The following CRTAC1 variants were observed in gnomAD, a reference collection of about 807,000 sequenced individuals.
CRTAC1 encodes acidic secreted protein in cartilage.
In CRTAC1, 37 loss-of-function variants were observed where a neutral mutation model predicts 67.8. The observed-to-expected ratio is 0.55, with a 90% confidence interval of 0.42 to 0.72. CRTAC1 has a LOEUF of 0.72. CRTAC1 is among the 30% of genes least tolerant of loss of function. The pLI, the probability that CRTAC1 is intolerant of heterozygous loss-of-function variation, is 0.00. For missense variants in CRTAC1, 780 were observed against 931.6 expected, an observed-to-expected ratio of 0.84 and a Z score of 2.12; for synonymous variants, 348 against 371.0, an observed-to-expected ratio of 0.94 and a Z score of 0.71.
chr10:97,865,780 C>T, intron 14 of CRTAC1, 66 bp from the exon 15 acceptor site: 4 of 1,478,432 alleles, frequency 2.7e-6, no homozygotes, highest in East Asian at 2.4e-5. Context: ...TACCAGAGCA[C>T]CCGCTTCTGA....
intron 6 of CRTAC1, 90 bp from the exon 7 acceptor site, chr10:97,904,904 G>T: frequency 7.1e-7 from 1 of 1,401,640 alleles, no homozygotes. Context: ...CAAGCAACTA[G>T]GGAGGGTGAC....
At chr10:97,995,363 CTCTT>C (rs1447989559) in intron 2 of CRTAC1, among the ~76,000 whole-genome samples, 3 of 152,316 alleles carry the variant, frequency 2.0e-5, no homozygotes, top group Non-Finnish European at 2.9e-5. Flanking sequence ...TGCTGTAGAA[CTCTT>C]TCTATTTTGC....
intron 14 of CRTAC1, chr10:97,879,654 T>A (rs1245331700): frequency 2.0e-6 from 3 of 1,534,156 alleles, no homozygotes; most frequent in East Asian, 4.9e-5. Flanking sequence ...CTGTTAGTTT[T>A]GTTTTGTTTT....
At chr10:98,015,854 T>A (rs550264688) in intron 1 of CRTAC1, among the ~76,000 whole-genome samples, 1 of 152,326 alleles carries the variant, frequency 6.6e-6, no homozygotes, top group Non-Finnish European at 1.5e-5. Flanking sequence ...GTCCATAAAC[T>A]ACACATCGAA....
At chr10:97,886,951 CT>C (rs537202029) in intron 11 of CRTAC1, among the ~76,000 whole-genome samples, 179 of 143,622 alleles carry the variant, frequency 1.2e-3, no homozygotes, top group Middle Eastern at 3.7e-3. Context: ...GGCCAGATTT[CT>C]TTTTTTTTTT....
intron 14 of CRTAC1, among the ~76,000 whole-genome samples, chr10:97,872,833 G>A (rs1028408959): frequency 5.9e-5 from 9 of 152,294 alleles, no homozygotes; most frequent in East Asian, 1.9e-4. Context: ...GGAAGATGCC[G>A]TGCTATCCCA....
intron 11 of CRTAC1, among the ~76,000 whole-genome samples, chr10:97,894,805 A>C: frequency 7.9e-6 from 1 of 126,752 alleles, no homozygotes; most frequent in African/African-American, 2.9e-5. Context: ...CCAAGAACCC[A>C]CTCTCTCCCC....
rs112433092 is a variant in CRTAC1 at position 97,865,518 on chromosome 10, T to C, written c.*30A>G. 6,791 of 1,579,698 alleles carry C rather than the reference T, an allele frequency of 4.3e-3. 249 individuals are homozygous for C. In the African/African-American group the frequency reaches 0.078, roughly 18 times the overall value. Reference sequence around the variant, plus strand: ...CCACTTTCCCACTCCCCTGCTGGACTCCATCCGCTGGTTCATGTCCCACCC... The same window carrying C: ...CCACTTTCCCACTCCCCTGCTGGACCCCATCCGCTGGTTCATGTCCCACCC... On this transcript the variant is annotated 3_prime_UTR_variant, in exon 15 of 15. Transcript: ENST00000370597.
intron 14 of CRTAC1, chr10:97,879,847 A>AG: frequency 1.6e-6 from 1 of 630,634 alleles, no homozygotes; most frequent in Non-Finnish European, 2.6e-6. Context: ...GAAAAAGAGA[A>AG]AGGGGGTGGG....
chr10:97,953,617 C>T (rs139733060), intron 2 of CRTAC1, among the ~76,000 whole-genome samples: 3 of 152,268 alleles, frequency 2.0e-5, no homozygotes, highest in South Asian at 2.1e-4. Flanking sequence ...AGTTGCATAG[C>T]GCATTGATGG....
At chr10:97,955,430 C>T (rs1301569681) in intron 2 of CRTAC1, among the ~76,000 whole-genome samples, 1 of 152,234 alleles carries the variant, frequency 6.6e-6, no homozygotes, top group African/African-American at 2.4e-5. Context: ...CTGTACACTG[C>T]ACTGCTTAGC....
chr10:97,987,848 G>C (rs2052008388), intron 2 of CRTAC1, among the ~76,000 whole-genome samples: 1 of 152,166 alleles, frequency 6.6e-6, no homozygotes, highest in South Asian at 2.1e-4. Flanking sequence ...CTTGGATCTA[G>C]GAACAGACCC....
chr10:97,904,775 AG>A lies in CRTAC1; in HGVS notation c.889del (p.Leu297TrpfsTer27). On this transcript the variant is annotated frameshift_variant, in exon 7 of 15. Coordinates refer to ENST00000370597, the MANE Select transcript of CRTAC1 (RefSeq NM_018058.7). LOFTEE classifies it high-confidence loss of function. Reference protein sequence around the residue: ...DPHQHGRGVALADFNRDGKVD... With the variant: ...DPHQHGRGVAXADFNRDGKVD... Reference sequence around the variant, plus strand: ...TTTGCCATCACGGTTGAAGTCAGCCAGGGCGACACCTCGCCCATGCTGGTGG... The same window carrying A: ...TTTGCCATCACGGTTGAAGTCAGCCAGGCGACACCTCGCCCATGCTGGTGG... The A allele has an allele frequency of 6.2e-7, 1 of 1,605,298 alleles. No individual in the cohort carries two copies. The highest frequency in any genetic ancestry group is 1.3e-5 in the African/African-American group (1 of 74,462).
intron 5 of CRTAC1, among the ~76,000 whole-genome samples, chr10:97,914,615 A>G (rs2136584235): frequency 1.3e-5 from 2 of 152,238 alleles, no homozygotes; most frequent in Middle Eastern, 3.4e-3. Context: ...AGAAAAGCTG[A>G]GGGGCATGCC....
intron 2 of CRTAC1, among the ~76,000 whole-genome samples, chr10:97,994,949 A>G (rs1842527086): frequency 6.6e-6 from 1 of 152,190 alleles, no homozygotes; most frequent in Non-Finnish European, 1.5e-5. Context: ...AAGCAGGGAG[A>G]ATCCCCTTCC....
intron 6 of CRTAC1, among the ~76,000 whole-genome samples, chr10:97,905,816 G>A (rs1215158836): frequency 6.6e-6 from 1 of 152,246 alleles, no homozygotes; most frequent in Non-Finnish European, 1.5e-5. Context: ...GACCTGGAAA[G>A]CGAAGCCTCT....
chr10:98,028,936 C>A (rs1277102773), intron 1 of CRTAC1, among the ~76,000 whole-genome samples: 1 of 152,158 alleles, frequency 6.6e-6, no homozygotes, highest in African/African-American at 2.4e-5. Flanking sequence ...ACCGTTTCGA[C>A]CTTTTCCAGA....
chr10:98,021,350 T>C (rs1341111647), intron 1 of CRTAC1, among the ~76,000 whole-genome samples: 1 of 152,064 alleles, frequency 6.6e-6, no homozygotes, highest in Non-Finnish European at 1.5e-5. Context: ...GCAGCACTCA[T>C]AGACAGGAGA....
chr10:98,028,078 G>A (rs1262914711), intron 1 of CRTAC1, among the ~76,000 whole-genome samples: 9 of 152,208 alleles, frequency 5.9e-5, no homozygotes, highest in South Asian at 2.1e-4. Flanking sequence ...AACCCTTAAA[G>A]AGTTCAAAGA....
Sources: allele counts gnomAD v4.1 joint callset (sites outside exome capture counted in the v4.1 genomes callset), GRCh38; gene constraint gnomAD v4.1.1; transcripts MANE v1.5; gene names NCBI Gene and HGNC (gene_info 2026-07-23, HGNC 2026-07-21).